C7: variants seen among roughly 807,000 people sequenced by gnomAD.
C7 encodes complement component C7.
A neutral mutation model predicts 104.8 loss-of-function variants in C7; 83 were observed. The ratio of observed to expected loss-of-function variants is 0.79; its 90% CI spans 0.66 to 0.95. The LOEUF is 0.95. C7 is among the 40% of genes least tolerant of loss of function. The pLI is 0.00. For missense variants in C7, 1,070 were observed against 1,011.2 expected, an observed-to-expected ratio of 1.06 and a Z score of -0.79; for synonymous variants, 415 against 360.6, an observed-to-expected ratio of 1.15 and a Z score of -1.71.
At chr5:40,910,791 CA>C (rs35542606) in intron 1 of C7, among the ~76,000 whole-genome samples, 4,509 of 88,534 alleles carry the variant, frequency 0.051, 246 homozygotes, top group African/African-American at 0.18. Flanking sequence ...GACTCTCTCT[CA>C]AAAAAAAAAA....
intron 6 of C7, among the ~76,000 whole-genome samples, chr5:40,941,584 C>T (rs140667144): frequency 6.6e-6 from 1 of 152,100 alleles, no homozygotes; most frequent in Non-Finnish European, 1.5e-5. Context: ...GGGTGGCCAA[C>T]TGGGGGAAAG....
At chr5:40,928,987 T>C (rs1207681881) in intron 2 of C7, among the ~76,000 whole-genome samples, 1 of 152,170 alleles carries the variant, frequency 6.6e-6, no homozygotes, top group Non-Finnish European at 1.5e-5. Context: ...AAGCATCCTC[T>C]GGATTTTAAA....
chr5:40,934,317 G>T lies in C7; in HGVS notation c.139-8G>T. On this transcript the variant is annotated splice_polypyrimidine_tract_variant and splice_region_variant and intron_variant, in intron 3 of 17. Coordinates refer to ENST00000313164, the MANE Select transcript of C7 (RefSeq NM_000587.4). Reference sequence around the variant, plus strand: ...AAACAAACAAACCACTGCCTGCTTTGTGTTTAGACTCGCAGGCGGTCAGTT... The same window carrying T: ...AAACAAACAAACCACTGCCTGCTTTTTGTTTAGACTCGCAGGCGGTCAGTT... 6.3e-7 allele frequency: 1 copy of T among 1,581,216 alleles called. No individual in the cohort carries two copies. The highest frequency in any genetic ancestry group is 8.6e-7 in the Non-Finnish European group (1 of 1,161,480).
intron 14 of C7, among the ~76,000 whole-genome samples, chr5:40,966,177 T>C (rs904092863): frequency 2.0e-5 from 3 of 152,090 alleles, no homozygotes; most frequent in African/African-American, 7.2e-5. Context: ...GTAAGTTCTT[T>C]AGTGGTGATT....
chr5:40,952,145 AAC>A (rs767751842), intron 9 of C7, among the ~76,000 whole-genome samples: 4 of 152,240 alleles, frequency 2.6e-5, no homozygotes, highest in Non-Finnish European at 5.9e-5. Flanking sequence ...ACATTTAACA[AAC>A]ACAGGGCACC....
chr5:40,943,547 G>A (rs1396654604), intron 6 of C7, among the ~76,000 whole-genome samples: 2 of 150,370 alleles, frequency 1.3e-5, no homozygotes, highest in African/African-American at 4.9e-5. Context: ...ATAAAGACAG[G>A]CGGAAATAGG....
intron 9 of C7, chr5:40,954,877 C>CAAAAAAAAAAAAAAAAAAAA (rs35360366): frequency 7.3e-5 from 4 of 54,668 alleles, no homozygotes; most frequent in East Asian, 7.8e-4. Context: ...AATACTGTCT[C>CAAAAAAAAAAAAAAAAAAAA]AAAAAAAAAA....
intron 1 of C7, among the ~76,000 whole-genome samples, chr5:40,913,297 C>A (rs1390704981): frequency 6.6e-6 from 1 of 151,990 alleles, no homozygotes; most frequent in Non-Finnish European, 1.5e-5. Context: ...ATAATGATTT[C>A]TTTTCCTTTG....
intron 1 of C7, among the ~76,000 whole-genome samples, chr5:40,922,304 G>A (rs948626016): frequency 1.4e-5 from 2 of 147,890 alleles, no homozygotes; most frequent in African/African-American, 2.5e-5. Context: ...GAACCCAGGA[G>A]GTGGAGGTTG....
intron 5 of C7, among the ~76,000 whole-genome samples, chr5:40,936,838 A>G (rs1480959841): frequency 1.3e-5 from 2 of 152,174 alleles, no homozygotes; most frequent in African/African-American, 2.4e-5. Context: ...ATGTGGGGCT[A>G]TTCAAGAGAA....
At chr5:40,951,947 C>T (rs1291802336) in intron 9 of C7, among the ~76,000 whole-genome samples, 2 of 152,130 alleles carry the variant, frequency 1.3e-5, no homozygotes, top group African/African-American at 2.4e-5. Context: ...CAAGATATAG[C>T]CGTGAATATG....
intron 6 of C7, among the ~76,000 whole-genome samples, 183 bp from the exon 7 acceptor site, chr5:40,945,015 A>G (rs1174380253): frequency 6.6e-6 from 1 of 152,184 alleles, no homozygotes; most frequent in Admixed American, 6.6e-5. Context: ...CCTGCTTAAT[A>G]AAAAAATAAT....
At chr5:40,967,026 C>A (rs1740569509) in intron 14 of C7, among the ~76,000 whole-genome samples, 1 of 151,822 alleles carries the variant, frequency 6.6e-6, no homozygotes, top group African/African-American at 2.4e-5. Flanking sequence ...TTATTGTGAA[C>A]CGACTGATGA....
At chr5:40,969,540 T>G (rs888070645) in intron 14 of C7, among the ~76,000 whole-genome samples, 1 of 152,178 alleles carries the variant, frequency 6.6e-6, no homozygotes, top group Non-Finnish European at 1.5e-5. Context: ...CTAACTTTTG[T>G]TTATGGCAAC....
intron 6 of C7, among the ~76,000 whole-genome samples, chr5:40,938,402 G>C (rs1739861098): frequency 6.6e-6 from 1 of 151,902 alleles, no homozygotes; most frequent in African/African-American, 2.4e-5. Flanking sequence ...AAAAGTTATG[G>C]ATTTGAGATT....
At chr5:40,940,157 T>C (rs1312423588) in intron 6 of C7, among the ~76,000 whole-genome samples, 1 of 152,194 alleles carries the variant, frequency 6.6e-6, no homozygotes, top group Non-Finnish European at 1.5e-5. Flanking sequence ...GACTTTTGGC[T>C]TATTGGAACA....
intron 9 of C7, among the ~76,000 whole-genome samples, 165 bp downstream of exon 9, chr5:40,950,179 T>C (rs1740138230): frequency 6.6e-6 from 1 of 152,132 alleles, no homozygotes. Flanking sequence ...ACTAGTTATT[T>C]TTTCCTGATC....
rs533123551 is a variant in C7, at chr5:40,930,020, A to T, written c.63-1044A>T. 3.5e-4 allele frequency among the ~76,000 whole-genome samples: 54 copies of T among 152,216 alleles called. No individual in the cohort carries two copies. In the South Asian group the frequency reaches 0.01, roughly 29 times the overall value. The stretch of plus-strand genomic sequence containing the variant: ...TTGCTCCTTTCAAAGGCCATAAAAC[A>T]TATTTACATATGTTTTCACCTACCC... On this transcript the variant is annotated intron_variant, in intron 2 of 17. Coordinates refer to ENST00000313164, the MANE Select transcript of C7 (RefSeq NM_000587.4).
Position 40,959,620 on chromosome 5 carries a change from G to A in C7, c.1661G>A (p.Arg554Lys), listed in dbSNP as rs370793029. Residue 554 changes from arginine to lysine, a missense_variant and splice_region_variant, in exon 12 of 18, where the codon AGG becomes AAG. Physicochemically the swap from Arg to Lys is conservative, Grantham distance 26. Coordinates refer to ENST00000313164, the MANE Select transcript of C7 (RefSeq NM_000587.4). ...GAAGATGAGGAGCTGGAGCACTTGA[G>A]GTAATGGAGACCCGACCCCCTGGCA... is the stretch of plus-strand genomic sequence containing the variant. ...QCEDEELEHL[R>K]LLEPHCFPLS... 7 of 1,581,878 alleles carry A rather than the reference G, an allele frequency of 4.4e-6. No individual in the cohort carries two copies. The African/African-American group carries it at 9.5e-5, about 21-fold the overall frequency.
Sources: gnomAD v4.1 joint callset for allele counts (sites outside exome capture counted in the v4.1 genomes callset) on GRCh38, gnomAD v4.1.1 for gene constraint, MANE v1.5 for transcripts, NCBI Gene and HGNC (gene_info 2026-07-23, HGNC 2026-07-21) for gene names.